The following XNDC1N variants were observed in gnomAD, a reference collection of about 807,000 sequenced individuals.
XNDC1N encodes protein XNDC1N.
chr11:71,894,204 A>G, the XNDC1N span: 12 of 693,950 alleles, frequency 1.7e-5, no homozygotes, highest in African/African-American at 9.3e-5. Context: ...GCTCTCACCT[A>G]GCAGTTGTTT....
the XNDC1N span, among the ~76,000 whole-genome samples, chr11:71,881,174 A>G: frequency 1.9e-4 from 29 of 152,318 alleles, no homozygotes; most frequent in African/African-American, 6.5e-4. Flanking sequence ...TGACATTTTT[A>G]ATATATCTAT....
chr11:71,912,277 A>C, the XNDC1N span, among the ~76,000 whole-genome samples: 2 of 151,960 alleles, frequency 1.3e-5, no homozygotes, highest in African/African-American at 2.4e-5. Flanking sequence ...GTGGAGGTAA[A>C]AAGTATGTAC....
the XNDC1N span, among the ~76,000 whole-genome samples, chr11:71,886,092 G>C: frequency 2.5e-4 from 38 of 152,076 alleles, no homozygotes; most frequent in African/African-American, 8.7e-4. Flanking sequence ...CCCTGAGAGA[G>C]CAGCCGTAGA....
the XNDC1N span, among the ~76,000 whole-genome samples, chr11:71,904,955 T>G: frequency 2.6e-5 from 4 of 151,922 alleles, no homozygotes; most frequent in Non-Finnish European, 5.9e-5. Flanking sequence ...ACACCCCGTG[T>G]GACATTAGGA....
At chr11:71,915,283 C>T in the XNDC1N span, among the ~76,000 whole-genome samples, 1 of 151,966 alleles carries the variant, frequency 6.6e-6, no homozygotes, top group Non-Finnish European at 1.5e-5. Flanking sequence ...CCTGTCTCTA[C>T]TAAAAATACA....
chr11:71,871,677 TTAA>T, the XNDC1N span, among the ~76,000 whole-genome samples: 2 of 152,178 alleles, frequency 1.3e-5, no homozygotes, highest in East Asian at 1.9e-4. Flanking sequence ...TAATAATTTG[TTAA>T]TAAATAAGAT....
the XNDC1N span, among the ~76,000 whole-genome samples, chr11:71,904,614 A>T: frequency 1.3e-5 from 2 of 152,124 alleles, no homozygotes; most frequent in Admixed American, 1.3e-4. Flanking sequence ...ATTGCAGATA[A>T]CATCACAAGG....
the XNDC1N span, among the ~76,000 whole-genome samples, chr11:71,901,221 C>T: frequency 1.3e-5 from 2 of 152,278 alleles, no homozygotes; most frequent in South Asian, 4.1e-4. Context: ...CGGAGTTTGG[C>T]TTCCATTCCT....
At chr11:71,907,525 G>C in the XNDC1N span, among the ~76,000 whole-genome samples, 4 of 151,900 alleles carry the variant, frequency 2.6e-5, no homozygotes, top group Non-Finnish European at 5.9e-5. Flanking sequence ...AACATATTGT[G>C]AGTAATATCA....
At chr11:71,885,484 G>A in the XNDC1N span, among the ~76,000 whole-genome samples, 7 of 152,032 alleles carry the variant, frequency 4.6e-5, no homozygotes, top group South Asian at 2.1e-4. Context: ...CAAAATCACC[G>A]GGTGGATGCA....
the XNDC1N span, among the ~76,000 whole-genome samples, chr11:71,890,521 A>AG: frequency 6.6e-6 from 1 of 152,184 alleles, no homozygotes; most frequent in East Asian, 1.9e-4. Flanking sequence ...CCATATCACA[A>AG]GGGGCGTGTA....
At chr11:71,867,262 C>T in the XNDC1N span, among the ~76,000 whole-genome samples, 1 of 152,132 alleles carries the variant, frequency 6.6e-6, no homozygotes, top group East Asian at 1.9e-4. Flanking sequence ...TGTAAGATGG[C>T]TAAGTAGAAG....
At chr11:71,905,420 C>T in the XNDC1N span, among the ~76,000 whole-genome samples, 1 of 151,442 alleles carries the variant, frequency 6.6e-6, no homozygotes, top group Non-Finnish European at 1.5e-5. Context: ...AAAGTAACAC[C>T]CCCCCTAGAA....
the XNDC1N span, among the ~76,000 whole-genome samples, chr11:71,887,337 C>T: frequency 6.6e-6 from 1 of 152,208 alleles, no homozygotes; most frequent in Admixed American, 6.5e-5. Context: ...CTGACTGTCC[C>T]TTGACCTTTT....
chr11:71,903,335 G>A, the XNDC1N span: 482 of 1,437,790 alleles, frequency 3.4e-4, 1 homozygote, highest in Non-Finnish European at 3.9e-4. Context: ...CATCCTGGCC[G>A]TCAGCCCTGA....
the XNDC1N span, chr11:71,916,731 T>C: frequency 6.2e-6 from 1 of 160,364 alleles, no homozygotes; most frequent in Non-Finnish European, 1.4e-5. Flanking sequence ...GTCCAGTCAG[T>C]ACCTCACTTT....
chr11:71,885,270 A>G, the XNDC1N span, among the ~76,000 whole-genome samples: 4 of 152,028 alleles, frequency 2.6e-5, no homozygotes, highest in African/African-American at 9.7e-5. Context: ...GGGTGTGTCC[A>G]CCTTCTGTGA....
At chr11:71,907,878 T>C in the XNDC1N span, among the ~76,000 whole-genome samples, 1 of 152,150 alleles carries the variant, frequency 6.6e-6, no homozygotes, top group Non-Finnish European at 1.5e-5. Flanking sequence ...CACGGGGGTG[T>C]ACACTTCCTG....
the XNDC1N span, among the ~76,000 whole-genome samples, chr11:71,919,405 T>C: frequency 3.7e-5 from 4 of 109,222 alleles, no homozygotes; most frequent in African/African-American, 1.4e-4. Context: ...TTTTTTTTTT[T>C]TGAGACAGAG....
Sources: gnomAD v4.1 joint callset for allele counts (sites outside exome capture counted in the v4.1 genomes callset) on GRCh38, gnomAD v4.1.1 for gene constraint, MANE v1.5 for transcripts, NCBI Gene and HGNC (gene_info 2026-07-23, HGNC 2026-07-21) for gene names.